Variants in ADAMTSL1 observed in about 807,000 individuals in gnomAD.
ADAMTSL1 encodes the protein ADAMTS-like protein 1.
A neutral mutation model predicts 201.8 loss-of-function variants in ADAMTSL1; 126 were observed. The observed-to-expected ratio is 0.62, with a 90% CI of 0.54 to 0.72. ADAMTSL1 has a LOEUF of 0.72. Among genes scored for constraint, ADAMTSL1 ranks in the 30% least tolerant of loss-of-function variants. The pLI is 0.00. For missense variants in ADAMTSL1, 2,679 were observed against 2,277.8 expected (o/e 1.18, Z -3.59); for synonymous variants, 1,121 against 903.4 (o/e 1.24, Z -4.32).
chr9:18,265,774 A>T (rs1832096829), intron 2 of ADAMTSL1, among the ~76,000 whole-genome samples: 7 of 152,222 alleles, frequency 4.6e-5, no homozygotes. Context: ...TCTAAAAGAA[A>T]GGAAGACAGC....
chr9:18,667,674 C>T (rs76535398), intron 9 of ADAMTSL1, among the ~76,000 whole-genome samples: 3 of 152,060 alleles, frequency 2.0e-5, no homozygotes, highest in Non-Finnish European at 4.4e-5. Context: ...GCTGCAGCAG[C>T]TATATAATGA....
At chr9:18,152,518 A>G (rs1416612027) in intron 1 of ADAMTSL1, among the ~76,000 whole-genome samples, 2 of 152,024 alleles carry the variant, frequency 1.3e-5, no homozygotes, top group Non-Finnish European at 2.9e-5. Context: ...CCATTGACAG[A>G]GTCCTGGGAT....
At chr9:18,221,175 A>G (rs1300814760) in intron 2 of ADAMTSL1, among the ~76,000 whole-genome samples, 2 of 152,164 alleles carry the variant, frequency 1.3e-5, no homozygotes, top group Non-Finnish European at 2.9e-5. Context: ...TTTAATTTCA[A>G]TCACCTCACT....
At chr9:17,973,840 T>C (rs1379550866) in intron 1 of ADAMTSL1, among the ~76,000 whole-genome samples, 6 of 150,632 alleles carry the variant, frequency 4.0e-5, no homozygotes, top group African/African-American at 9.8e-5. Flanking sequence ...TTTGATTTCA[T>C]TGAGCAGTGG....
intron 2 of ADAMTSL1, among the ~76,000 whole-genome samples, chr9:18,286,562 G>GAAACACATTTCTTTTTAGT (rs1563858992): frequency 3.9e-5 from 5 of 126,618 alleles, no homozygotes; most frequent in East Asian, 2.7e-4. Context: ...TGTTTCTATA[G>GAAACACATTTCTTTTTAGT]CAGTTTATGG....
chr9:18,626,839 TTTTCTTTCTTTC>T (rs752168419), intron 5 of ADAMTSL1, among the ~76,000 whole-genome samples: 8 of 133,364 alleles, frequency 6.0e-5, no homozygotes, highest in South Asian at 2.5e-4. Flanking sequence ...CTTACTTTCT[TTTTCTTTCTTTC>T]TTTCTTTCTT....
intron 1 of ADAMTSL1, among the ~76,000 whole-genome samples, chr9:18,002,700 C>G (rs1184713115): frequency 6.6e-6 from 1 of 151,956 alleles, no homozygotes; most frequent in Non-Finnish European, 1.5e-5. Context: ...ATATAATACA[C>G]TCAGTGAGGA....
At chr9:18,606,763 TC>T (rs1174726592) in intron 4 of ADAMTSL1, among the ~76,000 whole-genome samples, 2 of 151,948 alleles carry the variant, frequency 1.3e-5, no homozygotes, top group East Asian at 1.9e-4. Flanking sequence ...CACAATTCCT[TC>T]CCCCCCAGTT....
chr9:18,630,382 A>T (rs551834319), intron 5 of ADAMTSL1, among the ~76,000 whole-genome samples: 30 of 152,220 alleles, frequency 2.0e-4, no homozygotes, highest in African/African-American at 7.0e-4. Flanking sequence ...CCTCACACTT[A>T]TGTATTGATT....
At chr9:18,470,410 G>T (rs189403932), upstream of ADAMTSL1, among the ~76,000 whole-genome samples, 1 of 152,278 alleles carries the variant, frequency 6.6e-6, no homozygotes, top group Admixed American at 6.5e-5. Context: ...TTTTATCTTA[G>T]TCGCCCTTAC....
At chr9:18,520,865 A>T (rs1818648055) in intron 2 of ADAMTSL1, among the ~76,000 whole-genome samples, 1 of 152,188 alleles carries the variant, frequency 6.6e-6, no homozygotes, top group South Asian at 2.1e-4. Flanking sequence ...GAGCCATGTG[A>T]TGTATCCCAT....
At chr9:18,388,418 C>T (rs1837894167) in intron 2 of ADAMTSL1, among the ~76,000 whole-genome samples, 1 of 151,918 alleles carries the variant, frequency 6.6e-6, no homozygotes, top group Non-Finnish European at 1.5e-5. Context: ...AAACTACAGG[C>T]ACATACCACC....
In ADAMTSL1 at chr9:18,173,011, T is replaced by C. The variant is rs565087241; in HGVS notation, c.207+9030T>C. Among the ~76,000 whole-genome samples the C allele has an allele frequency of 3.3e-5, 5 of 152,256 alleles. No homozygotes were observed. In the South Asian group the frequency reaches 8.3e-4, roughly 25 times the overall value. On this transcript the variant is annotated intron_variant, in intron 2 of 29. Coordinates refer to the ADAMTSL1 transcript ENST00000680146. ...AGGAGGACAGATAATTGGGTTGGGA[T>C]GCTATGCATAGTACACTTTAGCCCT...
At chr9:18,851,628 G>A (rs1419726884) in intron 23 of ADAMTSL1, among the ~76,000 whole-genome samples, 2 of 152,100 alleles carry the variant, frequency 1.3e-5, no homozygotes, top group East Asian at 3.9e-4. Context: ...GTTGGCGTGG[G>A]GTTTTATACA....
chr9:18,836,551 T>C (rs1825320358), intron 23 of ADAMTSL1, among the ~76,000 whole-genome samples: 2 of 152,190 alleles, frequency 1.3e-5, no homozygotes, highest in African/African-American at 4.8e-5. Context: ...ATCTTTGTTC[T>C]TTTTATTTAG....
chr9:18,908,590 G>T lies in ADAMTSL1; in HGVS notation c.*42G>T. On this transcript the variant is annotated 3_prime_UTR_variant, in exon 29 of 29. Transcript: ENST00000380548. ...AAAACTCTACCCTGGCCACACGAAG[G>T]ACTCACGCAACCACCTCGGACAGAA... The T allele has an allele frequency of 6.8e-7, 1 of 1,479,654 alleles. No homozygotes were observed. The highest frequency in any genetic ancestry group is 1.4e-5 in the African/African-American group (1 of 71,532). The allele number at this position is 1,479,654 out of a possible 1,614,324, so 91.7% of individuals were successfully genotyped here.
intron 2 of ADAMTSL1, among the ~76,000 whole-genome samples, chr9:18,320,207 T>G (rs929840405): frequency 6.6e-6 from 1 of 152,128 alleles, no homozygotes; most frequent in Non-Finnish European, 1.5e-5. Context: ...ACCATGTGAG[T>G]TGCTAAGAAA....
At chr9:18,028,990 T>C (rs1391229631) in intron 1 of ADAMTSL1, among the ~76,000 whole-genome samples, 1 of 152,212 alleles carries the variant, frequency 6.6e-6, no homozygotes, top group East Asian at 1.9e-4. Flanking sequence ...CCTTGTAAGA[T>C]GGATTCCTAG....
intron 2 of ADAMTSL1, among the ~76,000 whole-genome samples, chr9:18,382,994 A>G (rs1837623946): frequency 6.6e-6 from 1 of 152,184 alleles, no homozygotes; most frequent in Non-Finnish European, 1.5e-5. Flanking sequence ...ATAAATGTGA[A>G]GTAAACCCTG....
Sources: allele counts gnomAD v4.1 joint callset (sites outside exome capture counted in the v4.1 genomes callset), GRCh38; gene constraint gnomAD v4.1.1; transcripts MANE v1.5; gene names NCBI Gene and HGNC (gene_info 2026-07-23, HGNC 2026-07-21).